Variants in TSHR observed in about 807,000 individuals in gnomAD.
The protein encoded by TSHR is thyroid stimulating hormone receptor, also known as thyrotropin receptor.
TSHR carries 51 observed loss-of-function variants against 64.1 expected under a neutral mutation model. That is an observed-to-expected ratio of 0.80 (90% confidence interval 0.64 to 1.01). The LOEUF is 1.01. Among genes scored for constraint, TSHR ranks in the 50% least tolerant of loss-of-function variants. The pLI is 0.00. For synonymous variants in TSHR, 361 were observed against 361.9 expected (o/e 1.00, Z 0.03); for missense variants, 877 against 942.8 (o/e 0.93, Z 0.91).
At chr14:80,980,613 T>C (rs897162273) in intron 1 of TSHR, among the ~76,000 whole-genome samples, 5 of 152,240 alleles carry the variant, frequency 3.3e-5, no homozygotes, top group African/African-American at 1.2e-4. Context: ...TGTGTAGATA[T>C]TGATGAATTT....
chr14:81,009,536 T>C (rs752971208), intron 1 of TSHR, among the ~76,000 whole-genome samples: 17 of 152,194 alleles, frequency 1.1e-4, no homozygotes, highest in Non-Finnish European at 2.1e-4. Context: ...CTGCAGTTGA[T>C]GTGCATTTTA....
chr14:81,055,735 T>G (rs915542094), intron 1 of TSHR, among the ~76,000 whole-genome samples: 6 of 152,200 alleles, frequency 3.9e-5, no homozygotes, highest in Admixed American at 3.3e-4. Context: ...GGCCAATTTC[T>G]CCCATTTGGA....
intron 8 of TSHR, among the ~76,000 whole-genome samples, chr14:81,118,653 C>G (rs911090524): frequency 6.6e-6 from 1 of 152,124 alleles, no homozygotes; most frequent in African/African-American, 2.4e-5. Context: ...CAATGACTTT[C>G]GTCACAGAAT....
intron 8 of TSHR, among the ~76,000 whole-genome samples, chr14:81,125,540 T>C (rs1890986041): frequency 6.6e-6 from 1 of 152,108 alleles, no homozygotes; most frequent in South Asian, 2.1e-4. Context: ...AATCTGCACC[T>C]CCTGGCAATT....
intron 8 of TSHR, among the ~76,000 whole-genome samples, chr14:81,124,522 A>G (rs763318904): frequency 1.3e-5 from 2 of 152,054 alleles, no homozygotes; most frequent in African/African-American, 2.4e-5. Flanking sequence ...TAGACATGCT[A>G]TTTTTCTAAT....
intron 1 of TSHR, among the ~76,000 whole-genome samples, chr14:80,970,904 G>A (rs1426972992): frequency 2.0e-5 from 3 of 152,118 alleles, no homozygotes; most frequent in East Asian, 3.9e-4. Flanking sequence ...GCATTAGCTT[G>A]GCTTGTGGCA....
intron 8 of TSHR, among the ~76,000 whole-genome samples, chr14:81,125,198 G>C (rs928514600): frequency 2.0e-5 from 3 of 152,180 alleles, no homozygotes; most frequent in African/African-American, 7.2e-5. Flanking sequence ...CTTTATTAAA[G>C]GAGATAGTAT....
intron 8 of TSHR, among the ~76,000 whole-genome samples, chr14:81,128,766 C>T (rs57632490): frequency 0.16 from 24,433 of 152,110 alleles, 2,383 homozygotes; most frequent in African/African-American, 0.25. Context: ...CTGTCTCCTT[C>T]GTCTGATACA....
At chr14:80,974,527 C>A (rs1887765620) in intron 1 of TSHR, among the ~76,000 whole-genome samples, 1 of 152,150 alleles carries the variant, frequency 6.6e-6, no homozygotes, top group Admixed American at 6.5e-5. Flanking sequence ...GTAGCATAAC[C>A]AAATTGCCAT....
chr14:81,079,595 T>C (rs908825404), intron 3 of TSHR, among the ~76,000 whole-genome samples: 1 of 152,228 alleles, frequency 6.6e-6, no homozygotes, highest in Non-Finnish European at 1.5e-5. Context: ...CCCACACCTA[T>C]AATCCCAGCA....
intron 3 of TSHR, among the ~76,000 whole-genome samples, chr14:81,084,527 T>C (rs910372983): frequency 2.0e-5 from 3 of 152,200 alleles, no homozygotes; most frequent in African/African-American, 7.2e-5. Flanking sequence ...AATACAGACA[T>C]GTAACAGCCC....
At chr14:81,055,473 A>G (rs1395693514) in intron 1 of TSHR, among the ~76,000 whole-genome samples, 1 of 152,082 alleles carries the variant, frequency 6.6e-6, no homozygotes, top group East Asian at 1.9e-4. Context: ...AGATCCACAG[A>G]CCACTTGCAC....
At chr14:80,982,161 A>T in intron 1 of TSHR, 1 of 582,470 alleles carries the variant, frequency 1.7e-6, no homozygotes, top group Admixed American at 2.4e-5. Context: ...GGCAGAGATG[A>T]AGGCAGTGTC....
chr14:81,109,198 A>AGGCGATCGAGACCATCCT (rs1890111630), intron 8 of TSHR, among the ~76,000 whole-genome samples: 1 of 152,136 alleles, frequency 6.6e-6, no homozygotes, highest in South Asian at 2.1e-4. Context: ...TCACGAGGTC[A>AGGCGATCGAGACCATCCT]GGCGATCGAG....
chr14:81,086,001 G>T (rs2139961813), intron 3 of TSHR, among the ~76,000 whole-genome samples: 1 of 151,430 alleles, frequency 6.6e-6, no homozygotes, highest in African/African-American at 2.4e-5. Context: ...TTAAAGCCAG[G>T]ACAAAAAAAT....
intron 7 of TSHR, 122 bp downstream of exon 7, chr14:81,096,829 C>A: frequency 8.9e-7 from 1 of 1,120,886 alleles, no homozygotes; most frequent in Non-Finnish European, 1.3e-6. Context: ...GTTAGTGTGA[C>A]CAACATGGAA....
chr14:81,136,095 T>C (rs1158910907), intron 8 of TSHR, among the ~76,000 whole-genome samples: 1 of 152,206 alleles, frequency 6.6e-6, no homozygotes, highest in Non-Finnish European at 1.5e-5. Flanking sequence ...AGTCCAGTGC[T>C]AGATCTGCAA....
chr14:81,032,594 C>T, intron 1 of TSHR: 1 of 445,426 alleles, frequency 2.2e-6, no homozygotes, highest in Non-Finnish European at 4.5e-6. Flanking sequence ...CTGTCACCAA[C>T]ATGCACCTCA....
chr14:80,998,439 G>A (rs1889137720), intron 1 of TSHR, among the ~76,000 whole-genome samples: 1 of 151,864 alleles, frequency 6.6e-6, no homozygotes, highest in Admixed American at 6.6e-5. Flanking sequence ...CATGTTTGGT[G>A]GGTGTTACAA....
Sources: gnomAD v4.1 joint callset for allele counts (sites outside exome capture counted in the v4.1 genomes callset) on GRCh38, gnomAD v4.1.1 for gene constraint, MANE v1.5 for transcripts, NCBI Gene and HGNC (gene_info 2026-07-23, HGNC 2026-07-21) for gene names.